NPAS3: variants seen among roughly 807,000 people sequenced by gnomAD.
NPAS3 encodes the protein neuronal PAS domain-containing protein 3.
NPAS3 carries 14 observed loss-of-function variants against 73.1 expected under a neutral mutation model. The ratio of observed to expected loss-of-function variants is 0.19; its 90% confidence interval spans 0.13 to 0.30. NPAS3 has a LOEUF of 0.30. NPAS3 is among the 10% of genes least tolerant of loss of function. The pLI, the probability that NPAS3 is intolerant of heterozygous loss-of-function variation, is 1.00. For synonymous variants in NPAS3, 620 were observed against 541.5 expected (o/e 1.14, Z -2.01); for missense variants, 1,096 against 1,250.0 (o/e 0.88, Z 1.86).
Position 33,800,400 on chromosome 14 carries a change from G to T in NPAS3, c.2093G>T (p.Gly698Val), listed in dbSNP as rs909900794. 6 of 1,604,322 alleles carry T rather than the reference G, an allele frequency of 3.7e-6. No homozygotes were observed. Among genetic ancestry groups the T allele is most frequent in the Non-Finnish European group, 5.1e-6 (6 of 1,177,220 alleles). ...CACTTCCCGTCCCCGCAGGGCGGCG[G>T]CGGTGGGGGTGGCGGTGGCGGGGGG... The change falls in exon 12 of 12, where the codon GGC becomes GTC. Residue 698 changes from glycine (G) to valine (V), a missense_variant. This residue lies in a region of NPAS3 where 698 missense variants were observed against 676.7 expected (regional missense o/e 1.03). Coordinates refer to ENST00000356141, the Ensembl canonical transcript of NPAS3. The surrounding 1 kb of genome is among the most constrained non-coding windows in gnomAD (Gnocchi z 6.5).
intron 6 of NPAS3, among the ~76,000 whole-genome samples, chr14:33,697,597 T>C (rs1174561266): frequency 1.3e-5 from 2 of 152,208 alleles, no homozygotes; most frequent in Non-Finnish European, 2.9e-5. Flanking sequence ...CTAGATCAGA[T>C]TGAACCTTTA....
intron 2 of NPAS3, among the ~76,000 whole-genome samples, chr14:33,169,736 C>A (rs754967217): frequency 3.9e-5 from 6 of 152,120 alleles, no homozygotes; most frequent in Non-Finnish European, 1.5e-5. Flanking sequence ...AGAAAGGCTG[C>A]CAGGTTTTCA....
At chr14:33,761,386 G>A (rs771662437) in intron 7 of NPAS3, among the ~76,000 whole-genome samples, 1 of 152,030 alleles carries the variant, frequency 6.6e-6, no homozygotes, top group Non-Finnish European at 1.5e-5. Context: ...GCAGGGCACT[G>A]ATTACTTCAT....
At chr14:33,452,471 G>A (rs2049837449) in intron 4 of NPAS3, among the ~76,000 whole-genome samples, 1 of 152,060 alleles carries the variant, frequency 6.6e-6, no homozygotes, top group Non-Finnish European at 1.5e-5. Context: ...AGTACATAGA[G>A]ACTGATAAAG....
At chr14:33,651,437 A>G (rs2058991467) in intron 5 of NPAS3, among the ~76,000 whole-genome samples, 1 of 152,182 alleles carries the variant, frequency 6.6e-6, no homozygotes, top group South Asian at 2.1e-4. Flanking sequence ...GTTTAGCTTT[A>G]TATTAAGGAA....
At chr14:32,977,354 A>ACG (rs945158642) in intron 1 of NPAS3, among the ~76,000 whole-genome samples, 2 of 118,848 alleles carry the variant, frequency 1.7e-5, no homozygotes, top group African/African-American at 6.5e-5. Flanking sequence ...TGTCTCTGAC[A>ACG]CGCACACACA....
chr14:33,642,278 C>T (rs1270396925), intron 5 of NPAS3, among the ~76,000 whole-genome samples: 1 of 152,108 alleles, frequency 6.6e-6, no homozygotes, highest in African/African-American at 2.4e-5. Flanking sequence ...TCCCCACCAT[C>T]CCCCAGATTA....
intron 8 of NPAS3, among the ~76,000 whole-genome samples, chr14:33,775,850 G>A (rs552583751): frequency 7.2e-5 from 11 of 152,332 alleles, no homozygotes; most frequent in South Asian, 6.2e-4. Context: ...GATGGCTGGC[G>A]TTTACTGATC....
chr14:33,611,622 T>C (rs1388906229), intron 5 of NPAS3, among the ~76,000 whole-genome samples: 1 of 152,222 alleles, frequency 6.6e-6, no homozygotes, highest in East Asian at 1.9e-4. Flanking sequence ...ACAGCATGAC[T>C]CATTTTCCTT....
chr14:32,945,252 C>G (rs992203585), intron 1 of NPAS3, among the ~76,000 whole-genome samples: 1 of 151,832 alleles, frequency 6.6e-6, no homozygotes, highest in East Asian at 1.9e-4. Flanking sequence ...ATTAGAGGCT[C>G]CTGGAGGACA....
chr14:33,174,361 C>T (rs1296045442), intron 2 of NPAS3, among the ~76,000 whole-genome samples: 1 of 152,196 alleles, frequency 6.6e-6, no homozygotes, highest in African/African-American at 2.4e-5. Flanking sequence ...GTACGGTTAT[C>T]ACTGTGGTAG....
chr14:33,467,207 TGAAG>T (rs994184531), intron 4 of NPAS3, among the ~76,000 whole-genome samples: 14 of 152,144 alleles, frequency 9.2e-5, no homozygotes, highest in African/African-American at 3.4e-4. Context: ...TAAAGTGAAT[TGAAG>T]GAAGAAAAGG....
At chr14:33,562,015 A>G (rs1324600526) in intron 5 of NPAS3, among the ~76,000 whole-genome samples, 1 of 152,190 alleles carries the variant, frequency 6.6e-6, no homozygotes, top group African/African-American at 2.4e-5. Context: ...GGCCAAAAGA[A>G]TATTAGCTCT....
intron 2 of NPAS3, chr14:33,214,773 C>T (rs1034791898): frequency 5.9e-6 from 1 of 169,272 alleles, no homozygotes; most frequent in African/African-American, 2.4e-5. Context: ...AGATCCCATA[C>T]TGATGAAAGT....
intron 5 of NPAS3, among the ~76,000 whole-genome samples, chr14:33,651,795 T>C (rs1378926903): frequency 6.6e-6 from 1 of 152,210 alleles, no homozygotes; most frequent in Non-Finnish European, 1.5e-5. Flanking sequence ...TCCTTCCCTT[T>C]TAATTTTGGA....
chr14:33,276,426 G>T (rs1169397572), intron 3 of NPAS3, among the ~76,000 whole-genome samples: 2 of 152,014 alleles, frequency 1.3e-5, no homozygotes, highest in Non-Finnish European at 2.9e-5. Flanking sequence ...TCAACCATTT[G>T]TTCTAGTCCT....
chr14:33,624,569 GTT>G lies in NPAS3; in HGVS notation c.559-51629_559-51628del, dbSNP rs11354235. Among the ~76,000 whole-genome samples, 142 of 141,334 alleles carry G rather than the reference GTT, an allele frequency of 1.0e-3. 1 individual carries two copies. Among genetic ancestry groups the G allele is most frequent in the African/African-American group, 3.3e-3 (128 of 39,000 alleles). 92.7% of individuals were successfully genotyped at this position (141,334 alleles called of 152,430 possible). On this transcript the variant is annotated intron_variant, in intron 5 of 11. Transcript: ENST00000356141. The stretch of plus-strand genomic sequence containing the variant: ...CAAAGCACTTGGGAAGAACTATGTA[GTT>G]TTTTTTTTTTTTCATTCTATTAATT...
intron 3 of NPAS3, among the ~76,000 whole-genome samples, chr14:33,261,468 A>C (rs1437559232): frequency 2.6e-5 from 4 of 152,118 alleles, no homozygotes; most frequent in African/African-American, 9.7e-5. Flanking sequence ...TCCATTGTAC[A>C]TATATTTAAA....
intron 3 of NPAS3, among the ~76,000 whole-genome samples, chr14:33,315,063 G>T (rs1394992909): frequency 6.6e-6 from 1 of 152,012 alleles, no homozygotes; most frequent in Non-Finnish European, 1.5e-5. Context: ...TACTGTAGGG[G>T]TATAGAGAAA....
Sources: allele counts gnomAD v4.1 joint callset (sites outside exome capture counted in the v4.1 genomes callset), GRCh38; gene constraint gnomAD v4.1.1; regional missense constraint gnomAD v4.1.1; non-coding constraint Gnocchi (gnomAD v3.1); transcripts MANE v1.5; gene names NCBI Gene and HGNC (gene_info 2026-07-23, HGNC 2026-07-21).